SPATA16: variants seen among roughly 807,000 people sequenced by gnomAD.
SPATA16 encodes spermatogenesis associated 16, also known as spermatogenesis-associated protein 16.
SPATA16 carries 36 observed loss-of-function variants against 63.3 expected under a neutral mutation model. The ratio of observed to expected loss-of-function variants is 0.57; its 90% CI spans 0.44 to 0.75. The LOEUF (loss-of-function observed/expected upper bound fraction) is 0.75, where lower values mean the gene tolerates loss of function less well. Ranked by LOEUF, SPATA16 falls within the 30% of genes least tolerant of loss-of-function variation. SPATA16 has a pLI of 0.00. For synonymous variants in SPATA16, 203 were observed against 216.7 expected (o/e 0.94, Z 0.56); for missense variants, 646 against 679.3 (o/e 0.95, Z 0.54).
At chr3:173,119,113 C>G (rs1019106639) in intron 1 of SPATA16, among the ~76,000 whole-genome samples, 4 of 151,704 alleles carry the variant, frequency 2.6e-5, no homozygotes, top group African/African-American at 7.3e-5. Context: ...AATGAGAACA[C>G]ATGAACATAG....
intron 1 of SPATA16, among the ~76,000 whole-genome samples, chr3:173,120,034 C>A (rs931816816): frequency 6.6e-6 from 1 of 151,534 alleles, no homozygotes; most frequent in Non-Finnish European, 1.5e-5. Flanking sequence ...TTGCAGTGCG[C>A]CAAGATCGTG....
intron 2 of SPATA16, among the ~76,000 whole-genome samples, chr3:173,073,077 G>T (rs1365677944): frequency 1.3e-5 from 2 of 152,196 alleles, no homozygotes; most frequent in Non-Finnish European, 2.9e-5. Flanking sequence ...CCAGAGATAT[G>T]TGGAACTTTG....
rs542822970 is a variant in SPATA16 at position 173,063,734 on chromosome 3, G to A, written c.613-14640C>T. Among the ~76,000 whole-genome samples, 10 of 152,076 alleles carry A rather than the reference G, an allele frequency of 6.6e-5. No individual in the cohort carries two copies. In the East Asian group the frequency reaches 1.4e-3, roughly 21 times the overall value. The stretch of plus-strand genomic sequence containing the variant: ...CCATTAATTAAATGTTTTTCATAAC[G>A]TCATTTTGCTTAAATGTAAGTGGGG... On this transcript the variant is annotated intron_variant, in intron 2 of 10. Transcript: ENST00000351008.
Position 173,122,174 on chromosome 3 carries a change from G to A in SPATA16, c.-18-4425C>T, listed in dbSNP as rs568718539. Among the ~76,000 whole-genome samples the A allele has an allele frequency of 2.1e-4, 32 of 149,624 alleles. No homozygotes were observed. The Middle Eastern group carries it at 0.01, about 49-fold the overall frequency. Reference sequence around the variant, plus strand: ...ATTGACAGGCAACATTGGAACAATCGCCAAGGTTTTTTTTTAACAAATACA... The same window carrying A: ...ATTGACAGGCAACATTGGAACAATCACCAAGGTTTTTTTTTAACAAATACA... On this transcript the variant is annotated intron_variant, in intron 1 of 10. Transcript: ENST00000351008.
intron 3 of SPATA16, among the ~76,000 whole-genome samples, chr3:173,031,363 T>C: frequency 6.6e-6 from 1 of 151,918 alleles, no homozygotes; most frequent in East Asian, 1.9e-4. Context: ...AAAAGTTTGA[T>C]TGAAATGACT....
intron 2 of SPATA16, among the ~76,000 whole-genome samples, chr3:173,069,100 ACTCCGT>A (rs1265902450): frequency 7.2e-6 from 1 of 139,532 alleles, no homozygotes; most frequent in African/African-American, 2.7e-5. Flanking sequence ...GCAGTACGAG[ACTCCGT>A]CTCAAGAAAA....
intron 4 of SPATA16, among the ~76,000 whole-genome samples, chr3:173,008,367 TTC>T (rs1356212254): frequency 6.6e-6 from 1 of 152,214 alleles, no homozygotes; most frequent in Admixed American, 6.5e-5. Context: ...GGCCTTCCAT[TTC>T]TCTCTGTTCT....
chr3:173,106,330 TTC>T (rs1390880911), intron 2 of SPATA16, among the ~76,000 whole-genome samples: 1 of 152,168 alleles, frequency 6.6e-6, no homozygotes, highest in African/African-American at 2.4e-5. Flanking sequence ...TCTCTTTATA[TTC>T]TCTCATACCT....
chr3:172,984,353 A>G (rs927991629), intron 4 of SPATA16, among the ~76,000 whole-genome samples: 34 of 152,090 alleles, frequency 2.2e-4, no homozygotes, highest in Admixed American at 5.9e-4. Context: ...TTTAATAAAC[A>G]CTTTGCCTAT....
chr3:173,115,977 C>A (rs1013599610), intron 2 of SPATA16, among the ~76,000 whole-genome samples: 1 of 151,740 alleles, frequency 6.6e-6, no homozygotes, highest in African/African-American at 2.4e-5. Context: ...ACTGCACTCT[C>A]GACCTCTTGG....
At chr3:173,101,306 C>G (rs888398975) in intron 2 of SPATA16, among the ~76,000 whole-genome samples, 6 of 152,122 alleles carry the variant, frequency 3.9e-5, no homozygotes, top group African/African-American at 1.2e-4. Flanking sequence ...CTGGAAATCT[C>G]TCCTCTCACT....
At chr3:173,000,735 TTTC>T (rs747234631) in intron 4 of SPATA16, among the ~76,000 whole-genome samples, 7 of 152,000 alleles carry the variant, frequency 4.6e-5, no homozygotes, top group Non-Finnish European at 8.8e-5. Flanking sequence ...TTTTCAGTGT[TTTC>T]TTCTTTCTAG....
intron 1 of SPATA16, among the ~76,000 whole-genome samples, chr3:173,131,544 C>G (rs1172909752): frequency 6.6e-6 from 1 of 152,098 alleles, no homozygotes; most frequent in African/African-American, 2.4e-5. Context: ...AAATATGTGG[C>G]AAGCCTCAAA....
chr3:173,069,034 C>T (rs1352125396), intron 2 of SPATA16, among the ~76,000 whole-genome samples: 6 of 148,732 alleles, frequency 4.0e-5, no homozygotes, highest in Non-Finnish European at 5.9e-5. Flanking sequence ...GGCGTGAACC[C>T]GGGAGGCGGA....
chr3:172,945,476 A>G (rs1346465404), intron 6 of SPATA16, among the ~76,000 whole-genome samples: 1 of 152,228 alleles, frequency 6.6e-6, no homozygotes, highest in African/African-American at 2.4e-5. Context: ...TTAACATCAC[A>G]TAAAGGAAAG....
chr3:172,973,887 C>T (rs1441212032), intron 5 of SPATA16, among the ~76,000 whole-genome samples: 2 of 150,936 alleles, frequency 1.3e-5, no homozygotes, highest in African/African-American at 5.0e-5. Context: ...GCCTGGATGT[C>T]GGGTTGCAGA....
chr3:172,950,422 C>T (rs150906649), intron 6 of SPATA16, among the ~76,000 whole-genome samples: 20 of 152,282 alleles, frequency 1.3e-4, no homozygotes, highest in African/African-American at 4.1e-4. Context: ...AAGAATTCTG[C>T]GGTGCAAATA....
intron 3 of SPATA16, among the ~76,000 whole-genome samples, chr3:173,036,077 C>T (rs1055872629): frequency 2.6e-5 from 4 of 151,618 alleles, no homozygotes; most frequent in African/African-American, 9.7e-5. Context: ...TAATAGCTGT[C>T]TTGGGGAAAA....
At chr3:173,068,498 T>C (rs1216107325) in intron 2 of SPATA16, among the ~76,000 whole-genome samples, 2 of 151,810 alleles carry the variant, frequency 1.3e-5, no homozygotes, top group African/African-American at 4.8e-5. Flanking sequence ...CTATAACAGA[T>C]ACAAAAAGAA....
Sources: allele counts gnomAD v4.1 joint callset (sites outside exome capture counted in the v4.1 genomes callset), GRCh38; gene constraint gnomAD v4.1.1; transcripts MANE v1.5; gene names NCBI Gene and HGNC (gene_info 2026-07-23, HGNC 2026-07-21).